Variants in WWOX observed in about 807,000 individuals in gnomAD.
WWOX encodes WW domain containing oxidoreductase, also known as WW domain-containing oxidoreductase.
A neutral mutation model predicts 46.2 loss-of-function variants in WWOX; 69 were observed. That is an observed-to-expected ratio of 1.49 (90% CI 1.23 to 1.82). The LOEUF is 1.82. WWOX is among the 40% of genes most tolerant of loss of function. WWOX has a pLI of 0.00. For missense variants in WWOX, 919 were observed against 542.6 expected, an observed-to-expected ratio of 1.69 and a Z score of -6.89; for synonymous variants, 359 against 202.6, an observed-to-expected ratio of 1.77 and a Z score of -6.56.
At chr16:78,718,229 T>C (rs1332730935) in intron 8 of WWOX, among the ~76,000 whole-genome samples, 2 of 152,174 alleles carry the variant, frequency 1.3e-5, no homozygotes, top group East Asian at 1.9e-4. Flanking sequence ...TAAACAATTA[T>C]GTAGTTACAC....
chr16:78,339,531 C>G lies in WWOX; in HGVS notation c.517-47329C>G, dbSNP rs868575577. ...TTACCTGTACCCGGAGTTGGAACTTCTCTTCCACATCTTTTCCTGTATTGG... is the reference window on the plus strand; with the variant it reads ...TTACCTGTACCCGGAGTTGGAACTTGTCTTCCACATCTTTTCCTGTATTGG... On this transcript the variant is annotated intron_variant, in intron 5 of 8. Transcript: ENST00000566780. Among the ~76,000 whole-genome samples the G allele has an allele frequency of 1.1e-4, 13 of 119,704 alleles. 2 individuals are homozygous for G. The highest frequency in any genetic ancestry group is 8.2e-5 in the Admixed American group (1 of 12,182). 78.5% of individuals were successfully genotyped at this position (119,704 alleles called of 152,430 possible).
chr16:78,449,358 T>A (rs150568395), intron 8 of WWOX, among the ~76,000 whole-genome samples: 1 of 152,242 alleles, frequency 6.6e-6, no homozygotes, highest in African/African-American at 2.4e-5. Flanking sequence ...AATCACTGAG[T>A]CTGATCGTTG....
Position 78,478,432 on chromosome 16 carries a change from C to T in WWOX, c.1056+45680C>T, listed in dbSNP as rs190041285. Among the ~76,000 whole-genome samples, 825 of 152,252 alleles carry T rather than the reference C, an allele frequency of 5.4e-3. 11 individuals are homozygous for T. Among genetic ancestry groups the T allele is most frequent in the African/African-American group, 0.019 (797 of 41,540 alleles). On this transcript the variant is annotated intron_variant, in intron 8 of 8. Coordinates refer to ENST00000566780, the MANE Select transcript of WWOX (RefSeq NM_016373.4). ...GGCCATATTTACCACCCCGGGGTTC[C>T]TTTTCAGACTCCGGAAAGAAAAAGC...
intron 8 of WWOX, among the ~76,000 whole-genome samples, chr16:78,910,096 T>G (rs1401375949): frequency 6.6e-6 from 1 of 151,610 alleles, no homozygotes; most frequent in Non-Finnish European, 1.5e-5. Context: ...TGTGTAGATG[T>G]GGTGATCGTT....
chr16:79,120,201 C>G (rs1046902515), intron 8 of WWOX, among the ~76,000 whole-genome samples: 4 of 152,176 alleles, frequency 2.6e-5, no homozygotes, highest in Admixed American at 2.0e-4. Flanking sequence ...TCAGTTGTTC[C>G]TCATAGACAG....
At chr16:79,000,343 A>G (rs1282154192) in intron 8 of WWOX, among the ~76,000 whole-genome samples, 1 of 152,092 alleles carries the variant, frequency 6.6e-6, no homozygotes, top group Non-Finnish European at 1.5e-5. Flanking sequence ...ACCTATAAAT[A>G]TGGGAGGTTA....
chr16:78,422,720 C>CACATATATATAT (rs1299973391), intron 6 of WWOX, among the ~76,000 whole-genome samples: 1 of 95,886 alleles, frequency 1.0e-5, no homozygotes, highest in African/African-American at 4.8e-5. Flanking sequence ...TACACACACA[C>CACATATATATAT]ATATATATAT....
intron 8 of WWOX, among the ~76,000 whole-genome samples, chr16:78,743,712 C>T (rs912867872): frequency 3.9e-5 from 6 of 152,116 alleles, no homozygotes; most frequent in Non-Finnish European, 8.8e-5. Context: ...GGAGCTGTAA[C>T]TTTGTAACTT....
intron 5 of WWOX, among the ~76,000 whole-genome samples, chr16:78,367,214 C>G (rs181278494): frequency 6.6e-6 from 1 of 151,976 alleles, no homozygotes; most frequent in Admixed American, 6.6e-5. Flanking sequence ...CTCCTGACCT[C>G]GTGATTCAAC....
chr16:78,567,190 A>G (rs1460675197), intron 8 of WWOX, among the ~76,000 whole-genome samples: 1 of 152,178 alleles, frequency 6.6e-6, no homozygotes, highest in Non-Finnish European at 1.5e-5. Flanking sequence ...AGCCCCCATC[A>G]TGTCCTGACG....
chr16:78,799,310 C>A (rs2050824242), intron 8 of WWOX, among the ~76,000 whole-genome samples: 1 of 152,082 alleles, frequency 6.6e-6, no homozygotes, highest in African/African-American at 2.4e-5. Flanking sequence ...ATGAAAACCC[C>A]AGGGTAGATG....
intron 8 of WWOX, among the ~76,000 whole-genome samples, chr16:78,780,022 C>G (rs1315883536): frequency 6.6e-6 from 1 of 152,166 alleles, no homozygotes; most frequent in South Asian, 2.1e-4. Context: ...TAGTCAATGG[C>G]AGTACCCAGT....
Position 78,489,253 on chromosome 16 carries a change from C to T in WWOX, c.1056+56501C>T, listed in dbSNP as rs542411902. Among the ~76,000 whole-genome samples, 30 of 152,288 alleles carry T rather than the reference C, an allele frequency of 2.0e-4. 1 individual carries two copies. Among genetic ancestry groups the T allele is most frequent in the Admixed American group, 1.4e-3 (22 of 15,300 alleles). On this transcript the variant is annotated intron_variant, in intron 8 of 8. Transcript: ENST00000566780. Reference sequence around the variant, plus strand: ...GTCAAGTGAGGTTGGCAGCCAGACACCCACCACCAGCTGTAACATAAGAAC... The same window carrying T: ...GTCAAGTGAGGTTGGCAGCCAGACATCCACCACCAGCTGTAACATAAGAAC...
rs1020089489 is a variant in WWOX at position 79,192,614 on chromosome 16, C to A, written c.1057-18994C>A. Among the ~76,000 whole-genome samples the A allele has an allele frequency of 6.5e-4, 99 of 152,188 alleles. 2 individuals carry two copies. Among genetic ancestry groups the A allele is most frequent in the Non-Finnish European group, 1.3e-4 (9 of 68,038 alleles). On this transcript the variant is annotated intron_variant, in intron 8 of 8. Coordinates refer to ENST00000566780, the MANE Select transcript of WWOX (RefSeq NM_016373.4). ...GGTGCCTAGGTATTCAGAAGCACCC[C>A]TAAAACTGATTTGTGTGGCCCTATG...
At chr16:79,178,407 C>T (rs1439965385) in intron 8 of WWOX, among the ~76,000 whole-genome samples, 3 of 152,076 alleles carry the variant, frequency 2.0e-5, no homozygotes, top group Non-Finnish European at 2.9e-5. Flanking sequence ...GCTTCAACCT[C>T]CTGGGATCAA....
rs116267591 is a variant in WWOX, at chr16:78,211,178, G to T, written c.516+46889G>T. ...AGCTCAGTGGAAGAGAACAGACATT[G>T]TGAGTTTAATTCCCACGCTGCCAAT... On this transcript the variant is annotated intron_variant, in intron 5 of 8. Transcript: ENST00000566780. Among the ~76,000 whole-genome samples, 453 of 152,266 alleles carry T rather than the reference G, an allele frequency of 3.0e-3. 1 individual carries two copies. Among genetic ancestry groups the T allele is most frequent in the African/African-American group, 0.011 (439 of 41,548 alleles).
At chr16:78,913,712 G>A (rs916278178) in intron 8 of WWOX, among the ~76,000 whole-genome samples, 1 of 151,206 alleles carries the variant, frequency 6.6e-6, no homozygotes, top group African/African-American at 2.4e-5. Context: ...CCCAGACTTG[G>A]GTGCAATGGT....
Position 78,898,965 on chromosome 16 carries a change from C to T in WWOX, c.1057-312643C>T, listed in dbSNP as rs577489429. ...GATTCTAGCAAACTGCTCTCATATC[C>T]TGTGATCTTAAAATTTATTTATTCA... On this transcript the variant is annotated intron_variant, in intron 8 of 8. Transcript: ENST00000566780. The T allele has an allele frequency of 2.0e-5, 3 of 152,172 alleles. No individual in the cohort carries two copies. The South Asian group carries it at 6.2e-4, about 32-fold the overall frequency. The allele number at this position is 152,172 out of a possible 1,614,324, so 9.4% of individuals were successfully genotyped here. A position where few individuals can be genotyped will look rare whatever the true frequency, so the allele number is the denominator to read the frequency against.
chr16:78,461,081 G>C (rs2083936053), intron 8 of WWOX, among the ~76,000 whole-genome samples: 1 of 152,110 alleles, frequency 6.6e-6, no homozygotes, highest in African/African-American at 2.4e-5. Flanking sequence ...GTGTTGCTTT[G>C]GAAGCTTGAT....
Sources: gnomAD v4.1 joint callset for allele counts (sites outside exome capture counted in the v4.1 genomes callset) on GRCh38, gnomAD v4.1.1 for gene constraint, MANE v1.5 for transcripts, NCBI Gene and HGNC (gene_info 2026-07-23, HGNC 2026-07-21) for gene names.